ANO3: variants seen among roughly 807,000 people sequenced by gnomAD.
The protein encoded by ANO3 is anoctamin-3.
Under a neutral mutation model 144.8 loss-of-function variants are expected in ANO3, and 99 were observed. The observed-to-expected ratio is 0.68, with a 90% CI of 0.58 to 0.81. The LOEUF is 0.81. ANO3 is among the 30% of genes least tolerant of loss of function. The pLI is 0.00. For missense variants in ANO3, 905 were observed against 1,202.2 expected, an observed-to-expected ratio of 0.75 and a Z score of 3.66; for synonymous variants, 414 against 392.6, an observed-to-expected ratio of 1.05 and a Z score of -0.64.
chr11:26,507,157 G>GC (rs1861466631), intron 4 of ANO3, among the ~76,000 whole-genome samples: 1 of 152,096 alleles, frequency 6.6e-6, no homozygotes, highest in South Asian at 2.1e-4. Flanking sequence ...TACTGGAAAA[G>GC]CCCCCCTAAG....
chr11:26,198,025 CA>C (rs1486259283), intron 1 of ANO3, among the ~76,000 whole-genome samples: 1 of 152,046 alleles, frequency 6.6e-6, no homozygotes, highest in Non-Finnish European at 1.5e-5. Context: ...TGGGAGCCAT[CA>C]AAAATGGTGG....
chr11:26,238,994 T>C (rs982957149), intron 1 of ANO3, among the ~76,000 whole-genome samples: 1 of 150,096 alleles, frequency 6.7e-6, no homozygotes, highest in African/African-American at 2.4e-5. Context: ...TAAATATTAA[T>C]GTTAATATTT....
At chr11:26,591,960 C>T (rs10835004) in intron 14 of ANO3, among the ~76,000 whole-genome samples, 2,408 of 152,248 alleles carry the variant, frequency 0.016, 65 homozygotes, top group African/African-American at 0.054. Context: ...CAGGATGTAT[C>T]TAGGGATGGG....
chr11:26,524,015 TAGTA>T lies in ANO3; in HGVS notation c.693-1616_693-1613del, dbSNP rs534840855. 2.6e-3 allele frequency among the ~76,000 whole-genome samples: 401 copies of T among 152,294 alleles called. 2 individuals carry two copies. The highest frequency in any genetic ancestry group is 0.019 in the South Asian group (92 of 4,830). ...GCTTTTTTGAAAAAAATACTGTATT[TAGTA>T]AGTGTTTATGAAATGAAAAATACTC... On this transcript the variant is annotated intron_variant, in intron 6 of 26. Coordinates refer to ENST00000256737, the MANE Select transcript of ANO3 (RefSeq NM_031418.4).
chr11:26,644,760 G>C (rs911367704), intron 23 of ANO3, among the ~76,000 whole-genome samples: 1 of 150,698 alleles, frequency 6.6e-6, no homozygotes, highest in African/African-American at 2.4e-5. Flanking sequence ...TTGGTCATTT[G>C]GTGGCCATTG....
At chr11:26,384,299 A>G (rs898647463) in intron 1 of ANO3, among the ~76,000 whole-genome samples, 4 of 152,074 alleles carry the variant, frequency 2.6e-5, no homozygotes, top group South Asian at 2.1e-4. Flanking sequence ...TCGGCAATAG[A>G]TGCTCTCCCA....
chr11:26,578,625 G>C (rs535253657), intron 14 of ANO3, among the ~76,000 whole-genome samples: 4 of 152,234 alleles, frequency 2.6e-5, no homozygotes, highest in African/African-American at 9.6e-5. Context: ...GGAAATTGTG[G>C]GCTCCTTGAA....
At chr11:26,649,320 C>A (rs942274368) in intron 24 of ANO3, among the ~76,000 whole-genome samples, 1 of 152,244 alleles carries the variant, frequency 6.6e-6, no homozygotes, top group Non-Finnish European at 1.5e-5. Flanking sequence ...TTAATTATTT[C>A]TGCCCTTAAC....
intron 3 of ANO3, among the ~76,000 whole-genome samples, chr11:26,448,649 C>T (rs1858799697): frequency 6.6e-6 from 1 of 152,102 alleles, no homozygotes; most frequent in Non-Finnish European, 1.5e-5. Flanking sequence ...ATGAAGATGG[C>T]ATAAGAAATA....
In ANO3 at chr11:26,534,445, C is replaced by T. The variant is rs746784373; in HGVS notation, c.870-11C>T. The T allele has an allele frequency of 2.5e-6, 4 of 1,576,728 alleles. No homozygotes were observed. The highest frequency in any genetic ancestry group is 3.5e-6 in the Non-Finnish European group (4 of 1,147,670). ...GCTTTGAATATTAAACCAATCCCCT[C>T]ATCTTAACAGCTTCATAATAAATAA... On this transcript the variant is annotated splice_polypyrimidine_tract_variant and intron_variant, in intron 8 of 26. Coordinates refer to ENST00000256737, the MANE Select transcript of ANO3 (RefSeq NM_031418.4).
chr11:26,276,953 G>A (rs1853572375), intron 1 of ANO3, among the ~76,000 whole-genome samples: 1 of 152,042 alleles, frequency 6.6e-6, no homozygotes, highest in African/African-American at 2.4e-5. Context: ...CACCTTAGTT[G>A]CTTAAATGTG....
At chr11:26,498,521 A>G (rs1861059051) in intron 4 of ANO3, among the ~76,000 whole-genome samples, 1 of 150,406 alleles carries the variant, frequency 6.6e-6, no homozygotes, top group Admixed American at 6.6e-5. Context: ...GTTATTATCA[A>G]TGATAGTCAA....
At chr11:26,554,227 G>A (rs538901791) in intron 13 of ANO3, among the ~76,000 whole-genome samples, 14 of 152,134 alleles carry the variant, frequency 9.2e-5, no homozygotes, top group East Asian at 1.9e-4. Context: ...CACAGCATAT[G>A]TATTGAGATT....
Position 26,559,792 on chromosome 11 carries a change from T to C in ANO3, c.1447+13T>C, listed in dbSNP as rs1287157081. On this transcript the variant is annotated intron_variant, in intron 14 of 26. Coordinates refer to ENST00000256737, the MANE Select transcript of ANO3 (RefSeq NM_031418.4). ...ATGGCAATATGGGGTAAGTACTTTC[T>C]TCATTACTTTCTATCCCTTATTTTC... 1.2e-5 allele frequency: 19 copies of C among 1,576,876 alleles called. No individual in the cohort carries two copies. The highest frequency in any genetic ancestry group is 1.7e-5 in the Admixed American group (1 of 59,846).
At chr11:26,446,559 C>T (rs1858709250) in intron 3 of ANO3, among the ~76,000 whole-genome samples, 2 of 152,158 alleles carry the variant, frequency 1.3e-5, no homozygotes, top group South Asian at 2.1e-4. Context: ...CAGAGAAGGA[C>T]ATTTCTACTA....
intron 1 of ANO3, among the ~76,000 whole-genome samples, chr11:26,212,379 G>T (rs538934187): frequency 6.7e-6 from 1 of 150,122 alleles, no homozygotes; most frequent in African/African-American, 2.4e-5. Flanking sequence ...TAACAAAACA[G>T]ACTGCGAGCC....
At chr11:26,334,194 T>G (rs772096281) in intron 1 of ANO3, among the ~76,000 whole-genome samples, 9 of 152,228 alleles carry the variant, frequency 5.9e-5, no homozygotes, top group Non-Finnish European at 1.2e-4. Context: ...CTTTACTCTT[T>G]GGCACAAAAG....
rs757275374 is a variant in ANO3, at chr11:26,462,990, A to G, written c.314-40A>G. 4.6e-6 allele frequency: 5 copies of G among 1,095,362 alleles called. No homozygotes were observed. The South Asian group carries it at 5.5e-5, about 12-fold the overall frequency. 67.9% of individuals were successfully genotyped at this position (1,095,362 alleles called of 1,614,324 possible). A position where few individuals can be genotyped will look rare whatever the true frequency, so the allele number is the denominator to read the frequency against. Reference sequence around the variant, plus strand: ...GTATGTTTAATGAAAAAAGAGAAAAACTATAGAAATGGATATAACTTTCTC... The same window carrying G: ...GTATGTTTAATGAAAAAAGAGAAAAGCTATAGAAATGGATATAACTTTCTC... On this transcript the variant is annotated intron_variant, in intron 3 of 26. Coordinates refer to ENST00000256737, the MANE Select transcript of ANO3 (RefSeq NM_031418.4).
Position 26,189,187 on chromosome 11 carries a change from T to A in ANO3, c.11T>A (p.Leu4Ter), listed in dbSNP as rs796071995. 3.0e-6 allele frequency: 3 copies of A among 985,014 alleles called. No individual in the cohort carries two copies. Among genetic ancestry groups the A allele is most frequent in the African/African-American group, 1.7e-5 (1 of 57,232 alleles). The allele number at this position is 985,014 out of a possible 1,614,324, so 61.0% of individuals were successfully genotyped here. Residue 4 changes from leucine (L) to a stop codon, truncating the protein, a stop_gained, in exon 1 of 28, where the codon TTA (leucine) becomes TAA (stop). Transcript: ENST00000672621. LOFTEE classifies it high-confidence loss of function. ...TATGGGAATTTTGCAATGTCAGTTT[T>A]AAAATTTGAACTGGATAATTTTTCT...
Sources: gnomAD v4.1 joint callset for allele counts (sites outside exome capture counted in the v4.1 genomes callset) on GRCh38, gnomAD v4.1.1 for gene constraint, MANE v1.5 for transcripts, NCBI Gene and HGNC (gene_info 2026-07-23, HGNC 2026-07-21) for gene names.